The following ALDH1A1 variants were observed in gnomAD, a reference collection of about 807,000 sequenced individuals.
The protein encoded by ALDH1A1 is aldehyde dehydrogenase 1 family member A1, also known as aldehyde dehydrogenase 1A1.
ALDH1A1 carries 19 observed loss-of-function variants against 62.1 expected under a neutral mutation model. That is an observed-to-expected ratio of 0.31 (90% CI 0.21 to 0.45). The LOEUF (loss-of-function observed/expected upper bound fraction) is 0.45, where lower values mean the gene tolerates loss of function less well. Ranked by LOEUF, ALDH1A1 falls within the 20% of genes least tolerant of loss-of-function variation. The probability of loss-of-function intolerance (pLI) is 1.00; values close to 1 mark genes in which losing one functional copy is unlikely to be tolerated. For missense variants in ALDH1A1, 521 were observed against 607.1 expected (o/e 0.86, Z 1.49); for synonymous variants, 231 against 215.9 (o/e 1.07, Z -0.61).
At chr9:72,909,155 C>CTTTTTTTTTTTT (rs5898281) in intron 11 of ALDH1A1, among the ~76,000 whole-genome samples, 1 of 75,564 alleles carries the variant, frequency 1.3e-5, no homozygotes, top group African/African-American at 5.6e-5. Context: ...TCCAATACAG[C>CTTTTTTTTTTTT]TTTTTTTTTT....
At chr9:72,915,111 T>G (rs1830044606) in intron 9 of ALDH1A1, among the ~76,000 whole-genome samples, 1 of 152,198 alleles carries the variant, frequency 6.6e-6, no homozygotes, top group Non-Finnish European at 1.5e-5. Context: ...ATCTATTCAC[T>G]TATAGAAACT....
intron 1 of ALDH1A1, among the ~76,000 whole-genome samples, chr9:72,947,395 C>T (rs1830488721): frequency 6.6e-6 from 1 of 151,938 alleles, no homozygotes; most frequent in Non-Finnish European, 1.5e-5. Context: ...ACTTTTAGAC[C>T]CTTGCTGCTG....
chr9:72,929,831 T>A (rs1830257891), intron 3 of ALDH1A1, among the ~76,000 whole-genome samples: 1 of 152,230 alleles, frequency 6.6e-6, no homozygotes, highest in African/African-American at 2.4e-5. Context: ...CCTGTACTTT[T>A]CTCTCTATAG....
In ALDH1A1 at chr9:72,927,108, A is replaced by G; in HGVS notation, c.504+8T>C. On this transcript the variant is annotated splice_region_variant and intron_variant, in intron 5 of 12. Coordinates refer to ENST00000297785, the MANE Select transcript of ALDH1A1 (RefSeq NM_000689.5). ...TAAAATTGAGAATTATATAGGAGAA[A>G]AGCTTACAGGAATGATTTGGCCACA... 3 of 1,592,600 alleles carry G rather than the reference A, an allele frequency of 1.9e-6. No individual in the cohort carries two copies. Among genetic ancestry groups the G allele is most frequent in the Non-Finnish European group, 2.6e-6 (3 of 1,168,178 alleles).
chr9:72,912,827 A>G (rs961773521), intron 9 of ALDH1A1, among the ~76,000 whole-genome samples: 2 of 152,202 alleles, frequency 1.3e-5, no homozygotes, highest in African/African-American at 4.8e-5. Context: ...CACTATTTTT[A>G]TAAGGAAAAT....
chr9:72,940,049 A>G, intron 2 of ALDH1A1, 99 bp downstream of exon 2: 2 of 785,770 alleles, frequency 2.5e-6, no homozygotes, highest in Non-Finnish European at 4.1e-6. Context: ...CCATATTTTC[A>G]TGGCATGTCT....
At chr9:72,913,923 T>A (rs1830024718) in intron 9 of ALDH1A1, among the ~76,000 whole-genome samples, 1 of 152,180 alleles carries the variant, frequency 6.6e-6, no homozygotes, top group African/African-American at 2.4e-5. Flanking sequence ...ACTGGTCAGT[T>A]TTGTCTGGCT....
Position 72,936,205 on chromosome 9 carries a change from C to T in ALDH1A1, c.171+3943G>A, listed in dbSNP as rs116250971. ...TCAGTGGCAAACATTTCTAAGTCTTCCAGTATGATCATTAGCTTTCCCTTA... is the reference window on the plus strand; with the variant it reads ...TCAGTGGCAAACATTTCTAAGTCTTTCAGTATGATCATTAGCTTTCCCTTA... On this transcript the variant is annotated intron_variant, in intron 2 of 12. Coordinates refer to ENST00000297785, the MANE Select transcript of ALDH1A1 (RefSeq NM_000689.5). Among the ~76,000 whole-genome samples, 491 of 152,238 alleles carry T rather than the reference C, an allele frequency of 3.2e-3. 2 individuals carry two copies. Among genetic ancestry groups the T allele is most frequent in the African/African-American group, 0.011 (469 of 41,552 alleles).
At chr9:72,907,140 C>T (rs1829887342) in intron 11 of ALDH1A1, among the ~76,000 whole-genome samples, 1 of 152,184 alleles carries the variant, frequency 6.6e-6, no homozygotes, top group Non-Finnish European at 1.5e-5. Flanking sequence ...TCCACATTCT[C>T]ACTGGACCAT....
intron 2 of ALDH1A1, 71 bp from the exon 3 acceptor site, chr9:72,931,090 T>C (rs1027939641): frequency 6.4e-7 from 1 of 1,569,556 alleles, no homozygotes; most frequent in East Asian, 2.2e-5. Context: ...CCAATAACCC[T>C]GTAAAATAGA....
rs1330694466 is a variant in ALDH1A1 at position 72,900,676 on chromosome 9, C to A, written c.*532G>T. The A allele has an allele frequency of 6.6e-6, 1 of 152,084 alleles. No individual in the cohort carries two copies. Among genetic ancestry groups the A allele is most frequent in the Admixed American group, 6.6e-5 (1 of 15,242 alleles). The allele number at this position is 152,084 out of a possible 1,614,324, so 9.4% of individuals were successfully genotyped here. A position where few individuals can be genotyped will look rare whatever the true frequency, so the allele number is the denominator to read the frequency against. On this transcript the variant is annotated 3_prime_UTR_variant, in exon 13 of 13. Transcript: ENST00000297785. ...AAATTCAAAAGTAACAAGAATCATGCAAGGTTGTTTTTATTAAGCTTTATA... is the reference window on the plus strand; with the variant it reads ...AAATTCAAAAGTAACAAGAATCATGAAAGGTTGTTTTTATTAAGCTTTATA...
chr9:72,946,998 A>T (rs1162788638), intron 1 of ALDH1A1, among the ~76,000 whole-genome samples: 1 of 151,950 alleles, frequency 6.6e-6, no homozygotes, highest in East Asian at 1.9e-4. Context: ...TCCCTGTTAC[A>T]AAGTTATATA....
intron 5 of ALDH1A1, among the ~76,000 whole-genome samples, chr9:72,926,100 C>T (rs1465854574): frequency 4.6e-5 from 7 of 152,172 alleles, no homozygotes. Flanking sequence ...AGCTCAATCA[C>T]TGACCAGCCA....
chr9:72,918,408 A>G (rs610529), intron 8 of ALDH1A1, among the ~76,000 whole-genome samples: 65,811 of 151,894 alleles, frequency 0.43, 14,308 homozygotes, highest in East Asian at 0.53. Flanking sequence ...AATGCTAATA[A>G]TCACAGATAT....
chr9:72,942,186 A>C (rs1210444056), intron 1 of ALDH1A1: 1 of 596,508 alleles, frequency 1.7e-6, no homozygotes, highest in African/African-American at 2.0e-5. Flanking sequence ...TAGCTATCAG[A>C]AATACATTTT....
At chr9:72,931,297 G>T (rs528174321) in intron 2 of ALDH1A1, among the ~76,000 whole-genome samples, 1 of 152,272 alleles carries the variant, frequency 6.6e-6, no homozygotes, top group African/African-American at 2.4e-5. Flanking sequence ...CTGAGTGCTT[G>T]CCCTGTTTCA....
chr9:72,902,866 C>T (rs1022253220), intron 12 of ALDH1A1, among the ~76,000 whole-genome samples: 2 of 151,882 alleles, frequency 1.3e-5, no homozygotes, highest in Admixed American at 6.6e-5. Context: ...TATTCAAATA[C>T]TGATTCTGAA....
chr9:72,927,327 C>T, intron 4 of ALDH1A1, 150 bp from the exon 5 acceptor site: 3 of 500,816 alleles, frequency 6.0e-6, no homozygotes, highest in Non-Finnish European at 1.1e-5. Flanking sequence ...AATCCCAGCA[C>T]TTTGGGAGGC....
At chr9:72,924,945 T>C (rs1050577761) in intron 6 of ALDH1A1, among the ~76,000 whole-genome samples, 6 of 152,236 alleles carry the variant, frequency 3.9e-5, no homozygotes, top group African/African-American at 1.2e-4. Flanking sequence ...GTTCTTTTAC[T>C]GTTTTTGAAC....
Sources: allele counts gnomAD v4.1 joint callset (sites outside exome capture counted in the v4.1 genomes callset), GRCh38; gene constraint gnomAD v4.1.1; transcripts MANE v1.5; gene names NCBI Gene and HGNC (gene_info 2026-07-23, HGNC 2026-07-21).